Variants in USH1G observed in about 807,000 individuals in gnomAD.
USH1G encodes the protein USH1 protein network component sans.
Under a neutral mutation model 31.9 loss-of-function variants are expected in USH1G, and 27 were observed. The observed-to-expected ratio is 0.85, with a 90% CI of 0.62 to 1.17. The LOEUF (loss-of-function observed/expected upper bound fraction) is 1.17. Ranked by LOEUF, USH1G falls within the 50% of genes most tolerant of loss-of-function variation. USH1G has a pLI of 0.00. For synonymous variants in USH1G, 266 were observed against 283.2 expected, an observed-to-expected ratio of 0.94 and a Z score of 0.61; for missense variants, 674 against 638.9, an observed-to-expected ratio of 1.05 and a Z score of -0.59.
rs1431497045 is a variant in USH1G at position 74,916,646 on chromosome 17, G to A, written c.*1427C>T. On this transcript the variant is annotated 3_prime_UTR_variant, in exon 3 of 3. Transcript: ENST00000614341. ...CACACGTGTCAGCGGGCTCATCAGG[G>A]ACTCTCCCACATCTGTGACCTCAGT... The A allele has an allele frequency of 6.6e-6, 1 of 152,296 alleles. No homozygotes were observed. The highest frequency in any genetic ancestry group is 2.4e-5 in the African/African-American group (1 of 41,448). 9.4% of individuals were successfully genotyped at this position (152,296 alleles called of 1,614,324 possible). A position where few individuals can be genotyped will look rare whatever the true frequency, so the allele number is the denominator to read the frequency against.
In USH1G at chr17:74,918,055, G is replaced by A. The variant is rs775570788; in HGVS notation, c.*18C>T. ...GGCAACTTGCAATTCATTTTGGTCT[G>A]GGGAGAGGAGCCCCCGGTTATCTGT... On this transcript the variant is annotated 3_prime_UTR_variant, in exon 3 of 3. Transcript: ENST00000614341. The surrounding 1 kb of genome is among the most constrained non-coding windows in gnomAD (Gnocchi z 4.1). 1 of 1,613,968 alleles carries A rather than the reference G, an allele frequency of 6.2e-7. No homozygotes were observed.
In USH1G at chr17:74,919,981, A is replaced by T; in HGVS notation, c.855T>A (p.Arg285=). The change falls in exon 2 of 3, where the codon CGT becomes CGA. Residue 285 remains arginine (R), a synonymous_variant. Coordinates refer to ENST00000614341, the MANE Select transcript of USH1G (RefSeq NM_173477.5). This position sits in a 1 kb window ranked among gnomAD's most constrained non-coding sequence, Gnocchi z 4.5. ...GGGCAGGCTCGGCCGCCAGCGTGGC[A>T]CGGGAGACGCTGTCCTCGTCCGAGA... ...MFLSDEDSVS[R]ATLAAEPAHS... is the part of the protein sequence containing the mutation. 6.2e-7 allele frequency: 1 copy of T among 1,612,038 alleles called. No homozygotes were observed. Among genetic ancestry groups the T allele is most frequent in the Non-Finnish European group, 8.5e-7 (1 of 1,179,316 alleles).
rs2038965103 is a variant in USH1G, at chr17:74,923,043, C to T, written c.31G>A (p.Asp11Asn). 3 of 1,584,968 alleles carry T rather than the reference C, an allele frequency of 1.9e-6. No homozygotes were observed. Among genetic ancestry groups the T allele is most frequent in the Admixed American group, 3.5e-5 (2 of 56,972 alleles). MNDQYHRAAR[D>N]GYLELLKEAT... is the part of the protein sequence containing the mutation. ...TCCTTGAGGAGCTCCAGGTAGCCAT[C>T]CCGGGCTGCCCGGTGGTACTGGTCG... Residue 11 changes from aspartate to asparagine, a missense_variant, in exon 1 of 3, where the codon GAT becomes AAT. By Grantham distance (23) the Asp-to-Asn change is conservative. Transcript: ENST00000614341. This position sits in a 1 kb window ranked among gnomAD's most constrained non-coding sequence, Gnocchi z 5.3.
At position 74,920,710 on chromosome 17, in the gene USH1G, C is replaced by T; in HGVS notation, c.165-39G>A. The T allele has an allele frequency of 1.2e-6, 2 of 1,602,294 alleles. No homozygotes were observed. Among genetic ancestry groups the T allele is most frequent in the South Asian group, 1.1e-5 (1 of 90,868 alleles). On this transcript the variant is annotated intron_variant, in intron 1 of 2. Transcript: ENST00000614341. The surrounding 1 kb of genome is among the most constrained non-coding windows in gnomAD (Gnocchi z 5.2). ...ATTCAGGAGGGACGAGTGACGAGTCCTGGCTGGGGATGGAGGTGGAGGGAG... is the reference window on the plus strand; with the variant it reads ...ATTCAGGAGGGACGAGTGACGAGTCTTGGCTGGGGATGGAGGTGGAGGGAG...
rs1481846477 is a variant in USH1G, at chr17:74,918,427, C to A, written c.1383-351G>T. 6.6e-6 allele frequency among the ~76,000 whole-genome samples: 1 copy of A among 152,214 alleles called. No individual in the cohort carries two copies. Among genetic ancestry groups the A allele is most frequent in the African/African-American group, 2.4e-5 (1 of 41,454 alleles). Reference sequence around the variant, plus strand: ...GGCAGCCTTGGGCAACTATGACGGCCTTTGGAACATGAACTCTGCCTCCAG... The same window carrying A: ...GGCAGCCTTGGGCAACTATGACGGCATTTGGAACATGAACTCTGCCTCCAG... On this transcript the variant is annotated intron_variant, in intron 2 of 2. Transcript: ENST00000614341. The surrounding 1 kb of genome is among the most constrained non-coding windows in gnomAD (Gnocchi z 4.1).
rs770872383 is a variant in USH1G, at chr17:74,919,987, G to A, written c.849C>T (p.Val283=). 1.9e-6 allele frequency: 3 copies of A among 1,612,276 alleles called. No individual in the cohort carries two copies. The highest frequency in any genetic ancestry group is 4.5e-5 in the East Asian group (2 of 44,850). Residue 283 remains valine, a synonymous_variant, in exon 2 of 3, where the codon GTC becomes GTT. Coordinates refer to ENST00000614341, the MANE Select transcript of USH1G (RefSeq NM_173477.5). The surrounding 1 kb of genome is among the most constrained non-coding windows in gnomAD (Gnocchi z 4.5). ...RDMFLSDEDS[V]SRATLAAEPA... ...GCTCGGCCGCCAGCGTGGCACGGGA[G>A]ACGCTGTCCTCGTCCGAGAGGAACA... is the stretch of plus-strand genomic sequence containing the variant.
In USH1G at chr17:74,920,056, G is replaced by C. The variant is rs1355198299; in HGVS notation, c.780C>G (p.Thr260=). The C allele has an allele frequency of 1.2e-6, 2 of 1,609,142 alleles. No homozygotes were observed. Among genetic ancestry groups the C allele is most frequent in the South Asian group, 1.1e-5 (1 of 91,074 alleles). ...GSDVMFVRQG[T]YANPKEWGRA... is the part of the protein sequence containing the mutation. ...GGCCCCACTCCTTGGGATTGGCGTAGGTGCCCTGGCGCACGAACATCACGT... is the reference window on the plus strand; with the variant it reads ...GGCCCCACTCCTTGGGATTGGCGTACGTGCCCTGGCGCACGAACATCACGT... The change falls in exon 2 of 3, where the codon ACC becomes ACG. Residue 260 remains threonine (T), a synonymous_variant. Transcript: ENST00000614341. This position sits in a 1 kb window ranked among gnomAD's most constrained non-coding sequence, Gnocchi z 5.2.
At position 74,916,150 on chromosome 17, in the gene USH1G, G is replaced by A. The variant is rs1256430745; in HGVS notation, c.*1923C>T. The stretch of plus-strand genomic sequence containing the variant: ...GCCTGCAGGAGGGATTCGGGGTACA[G>A]TGGTGGGAGCACAGAGCCTGCTCCA... On this transcript the variant is annotated 3_prime_UTR_variant, in exon 3 of 3. Coordinates refer to ENST00000614341, the MANE Select transcript of USH1G (RefSeq NM_173477.5). The A allele has an allele frequency of 6.6e-6, 1 of 152,302 alleles. No homozygotes were observed. Among genetic ancestry groups the A allele is most frequent in the African/African-American group, 2.4e-5 (1 of 41,420 alleles). The allele number at this position is 152,302 out of a possible 1,614,324, so 9.4% of individuals were successfully genotyped here.
chr17:74,919,888 C>A lies in USH1G; in HGVS notation c.948G>T (p.Val316=). ...LFTRPGLGTM[V]FRRNYLSSGL... The stretch of plus-strand genomic sequence containing the variant: ...CACTGCTCAAGTAATTTCTGCGGAA[C>A]ACCATGGTGCCCAGGCCGGGGCGGG... The change falls in exon 2 of 3, where the codon GTG becomes GTT. Residue 316 remains valine (V), a synonymous_variant. Coordinates refer to ENST00000614341, the MANE Select transcript of USH1G (RefSeq NM_173477.5). This position sits in a 1 kb window ranked among gnomAD's most constrained non-coding sequence, Gnocchi z 4.5. The A allele has an allele frequency of 6.2e-7, 1 of 1,613,274 alleles. No individual in the cohort carries two copies. The highest frequency in any genetic ancestry group is 1.6e-4 in the Middle Eastern group (1 of 6,062).
At position 74,919,467 on chromosome 17, in the gene USH1G, C is replaced by T. The variant is rs1424347833; in HGVS notation, c.1369G>A (p.Glu457Lys). 3.1e-6 allele frequency: 5 copies of T among 1,608,122 alleles called. No homozygotes were observed. Among genetic ancestry groups the T allele is most frequent in the Middle Eastern group, 2.2e-4 (1 of 4,454 alleles). ...RQAMERPPAL[E>K]DTEL ...CTGGACACTCACAGCTCTGTGTCCT[C>T]CAGGGCCGGCGGGCGCTCCATCGCC... The change falls in exon 2 of 3, where the codon GAG becomes AAG. Residue 457 changes from glutamate (E) to lysine (K), a missense_variant. Physicochemically the swap from Glu to Lys is moderately conservative, Grantham distance 56 (BLOSUM62 1). Transcript: ENST00000614341. The surrounding 1 kb of genome is among the most constrained non-coding windows in gnomAD (Gnocchi z 4.5).
rs1598584527 is a variant in USH1G, at chr17:74,920,472, C to G, written c.364G>C (p.Ala122Pro). 6.2e-7 allele frequency: 1 copy of G among 1,613,782 alleles called. No homozygotes were observed. Among genetic ancestry groups the G allele is most frequent in the Non-Finnish European group, 8.5e-7 (1 of 1,180,042 alleles). The stretch of plus-strand genomic sequence containing the variant: ...TTGGGGTTGAGGCTGCTCTGCTTGG[C>G]CGCGATGGAGTCCAGGTAGCGCACG... ...ECVRYLDSIA[A>P]KQSSLNPKLV... The change falls in exon 2 of 3, where the codon GCC becomes CCC. Residue 122 changes from alanine to proline, a missense_variant. Ala to Pro is a conservative substitution (Grantham distance 27, BLOSUM62 -1). Coordinates refer to ENST00000614341, the MANE Select transcript of USH1G (RefSeq NM_173477.5). The surrounding 1 kb of genome is among the most constrained non-coding windows in gnomAD (Gnocchi z 5.2).
At position 74,923,066 on chromosome 17, in the gene USH1G, T is replaced by C. The variant is rs2144759686; in HGVS notation, c.8A>G (p.Asp3Gly). MN[D>G]QYHRAARDGY... ...ATCCCGGGCTGCCCGGTGGTACTGG[T>C]CGTTCATGGCGCCCGAAGTGGACGG... The change falls in exon 1 of 3, where the codon GAC (aspartate) becomes GGC (glycine). Residue 3 changes from aspartate (D) to glycine (G), a missense_variant. Physicochemically the swap from Asp to Gly is moderately conservative, Grantham distance 94. Coordinates refer to ENST00000614341, the MANE Select transcript of USH1G (RefSeq NM_173477.5). This position sits in a 1 kb window ranked among gnomAD's most constrained non-coding sequence, Gnocchi z 5.3. The C allele has an allele frequency of 6.3e-7, 1 of 1,583,340 alleles. No individual in the cohort carries two copies.
At position 74,923,116 on chromosome 17, in the gene USH1G, G is replaced by GC; in HGVS notation, c.-44dup. On this transcript the variant is annotated 5_prime_UTR_variant, in exon 1 of 3. Transcript: ENST00000614341. The surrounding 1 kb of genome is among the most constrained non-coding windows in gnomAD (Gnocchi z 5.3). ...GGGCGGGCGGGGGACACGGAGAAAG[G>GC]CCCCCCGCAGGGGAGGGCGGCGGTA... 2.0e-6 allele frequency: 3 copies of GC among 1,529,532 alleles called. No homozygotes were observed. The highest frequency in any genetic ancestry group is 2.7e-6 in the Non-Finnish European group (3 of 1,131,778). The allele number at this position is 1,529,532 out of a possible 1,614,324, so 94.7% of individuals were successfully genotyped here.
Position 74,917,778 on chromosome 17 carries a change from C to G in USH1G, c.*295G>C. On this transcript the variant is annotated 3_prime_UTR_variant, in exon 3 of 3. Transcript: ENST00000614341. ...TCCAGTTCCGATGCCCCTGCCCTCCCTCTGGGGCAGGCCTCCCCCAAGTCT... is the reference window on the plus strand; with the variant it reads ...TCCAGTTCCGATGCCCCTGCCCTCCGTCTGGGGCAGGCCTCCCCCAAGTCT... 2.0e-6 allele frequency: 1 copy of G among 494,162 alleles called. No individual in the cohort carries two copies. Among genetic ancestry groups the G allele is most frequent in the Non-Finnish European group, 3.7e-6 (1 of 271,058 alleles). 30.6% of individuals were successfully genotyped at this position (494,162 alleles called of 1,614,324 possible).
At position 74,918,670 on chromosome 17, in the gene USH1G, A is replaced by T. The variant is rs2038894084; in HGVS notation, c.1383-594T>A. Among the ~76,000 whole-genome samples, 1 of 152,180 alleles carries T rather than the reference A, an allele frequency of 6.6e-6. No individual in the cohort carries two copies. Among genetic ancestry groups the T allele is most frequent in the African/African-American group, 2.4e-5 (1 of 41,450 alleles). ...CATCTCTACTAAAAATACAGAAATT[A>T]GCTGGGCATGGTGGTGCACTCCTGT... On this transcript the variant is annotated intron_variant, in intron 2 of 2. Coordinates refer to ENST00000614341, the MANE Select transcript of USH1G (RefSeq NM_173477.5). The surrounding 1 kb of genome is among the most constrained non-coding windows in gnomAD (Gnocchi z 4.1).
At position 74,918,129 on chromosome 17, in the gene USH1G, C is replaced by T; in HGVS notation, c.1383-53G>A. 6.2e-7 allele frequency: 1 copy of T among 1,610,854 alleles called. No homozygotes were observed. The highest frequency in any genetic ancestry group is 1.1e-5 in the South Asian group (1 of 90,412). On this transcript the variant is annotated intron_variant, in intron 2 of 2. Transcript: ENST00000614341. This position sits in a 1 kb window ranked among gnomAD's most constrained non-coding sequence, Gnocchi z 4.1. ...GATCTCACATGAGGCCCTCCAGAGG[C>T]ATCATTTTCACCCAGGGCAGCCATC...
Position 74,918,016 on chromosome 17 carries a change from C to G in USH1G, c.*57G>C. On this transcript the variant is annotated 3_prime_UTR_variant, in exon 3 of 3. Coordinates refer to ENST00000614341, the MANE Select transcript of USH1G (RefSeq NM_173477.5). The surrounding 1 kb of genome is among the most constrained non-coding windows in gnomAD (Gnocchi z 4.1). ...TGGCAACTGTGAGGACCTCGAGACC[C>G]CACCATAGGTTGTGGCAACTTGCAA... The G allele has an allele frequency of 6.2e-7, 1 of 1,613,032 alleles. No homozygotes were observed. Among genetic ancestry groups the G allele is most frequent in the Non-Finnish European group, 8.5e-7 (1 of 1,179,254 alleles).
At position 74,920,786 on chromosome 17, in the gene USH1G, C is replaced by A; in HGVS notation, c.165-115G>T. ...CTGTCACAGCAACCCCCAAAGGGAC[C>A]GTGGGCCTGAGATCTCTCCCACTCC... On this transcript the variant is annotated intron_variant, in intron 1 of 2. Transcript: ENST00000614341. The surrounding 1 kb of genome is among the most constrained non-coding windows in gnomAD (Gnocchi z 5.2). 6.9e-7 allele frequency: 1 copy of A among 1,456,890 alleles called. No homozygotes were observed. Among genetic ancestry groups the A allele is most frequent in the Non-Finnish European group, 9.3e-7 (1 of 1,078,650 alleles). 90.2% of individuals were successfully genotyped at this position (1,456,890 alleles called of 1,614,324 possible). A position where few individuals can be genotyped will look rare whatever the true frequency, so the allele number is the denominator to read the frequency against.
chr17:74,917,763 A>C lies in USH1G; in HGVS notation c.*310T>G, dbSNP rs575100426. On this transcript the variant is annotated 3_prime_UTR_variant, in exon 3 of 3. Coordinates refer to ENST00000614341, the MANE Select transcript of USH1G (RefSeq NM_173477.5). Reference sequence around the variant, plus strand: ...CCTCCCACACTCTCATCCAGTTCCGATGCCCCTGCCCTCCCTCTGGGGCAG... The same window carrying C: ...CCTCCCACACTCTCATCCAGTTCCGCTGCCCCTGCCCTCCCTCTGGGGCAG... The C allele has an allele frequency of 6.4e-6, 3 of 469,008 alleles. No individual in the cohort carries two copies. The Admixed American group carries it at 9.9e-5, about 15-fold the overall frequency. The allele number at this position is 469,008 out of a possible 1,614,324, so 29.1% of individuals were successfully genotyped here. A position where few individuals can be genotyped will look rare whatever the true frequency, so the allele number is the denominator to read the frequency against.
Sources: allele counts gnomAD v4.1 joint callset (sites outside exome capture counted in the v4.1 genomes callset), GRCh38; gene constraint gnomAD v4.1.1; non-coding constraint Gnocchi (gnomAD v3.1); transcripts MANE v1.5; gene names NCBI Gene and HGNC (gene_info 2026-07-23, HGNC 2026-07-21).